SEMA4D: variants seen among roughly 807,000 people sequenced by gnomAD.
SEMA4D encodes semaphorin-4D.
A neutral mutation model predicts 74.8 loss-of-function variants in SEMA4D; 22 were observed. The ratio of observed to expected loss-of-function variants is 0.29; its 90% confidence interval spans 0.21 to 0.42. The LOEUF (loss-of-function observed/expected upper bound fraction) is 0.42. Among genes scored for constraint, SEMA4D ranks in the 10% least tolerant of loss-of-function variants. The pLI is 1.00. For missense variants in SEMA4D, 937 were observed against 1,118.4 expected (o/e 0.84, Z 2.31); for synonymous variants, 445 against 463.7 (o/e 0.96, Z 0.52).
At chr9:89,436,856 C>T (rs539216800) in intron 2 of SEMA4D, among the ~76,000 whole-genome samples, 106 of 152,340 alleles carry the variant, frequency 7.0e-4, no homozygotes, top group Middle Eastern at 3.4e-3. Context: ...CTGGCCACTA[C>T]TTCAGTCATC....
chr9:89,481,366 G>C (rs1040943484), intron 1 of SEMA4D, among the ~76,000 whole-genome samples: 1 of 152,204 alleles, frequency 6.6e-6, no homozygotes, highest in Non-Finnish European at 1.5e-5. Flanking sequence ...AGCAGGACTG[G>C]AAACAGGGTG....
chr9:89,362,117 G>A (rs774792641), exon 19 of SEMA4D: 2 of 573,008 alleles, frequency 3.5e-6, no homozygotes, highest in African/African-American at 1.9e-5. Context: ...ATCAAAGCCT[G>A]TTAGCCATCC....
downstream of SEMA4D, among the ~76,000 whole-genome samples, chr9:89,375,160 G>A (rs771620751): frequency 1.8e-4 from 28 of 152,170 alleles, 2 homozygotes; most frequent in South Asian, 2.1e-4. Flanking sequence ...AGACCCGCCC[G>A]CTTCCCAGCC....
intron 2 of SEMA4D, among the ~76,000 whole-genome samples, chr9:89,422,232 T>C (rs2134253112): frequency 6.6e-6 from 1 of 152,314 alleles, no homozygotes; most frequent in South Asian, 2.1e-4. Flanking sequence ...ACAGTTCTGG[T>C]CTTTCTGGCA....
At chr9:89,454,699 T>C (rs767318078) in intron 2 of SEMA4D, among the ~76,000 whole-genome samples, 1 of 151,992 alleles carries the variant, frequency 6.6e-6, no homozygotes, top group Non-Finnish European at 1.5e-5. Flanking sequence ...GACGGCAGGG[T>C]GTGAGGGCAG....
At chr9:89,363,985 C>T (rs778167390) in intron 16 of SEMA4D, 1 of 1,613,908 alleles carries the variant, frequency 6.2e-7, no homozygotes, top group African/African-American at 1.3e-5. Flanking sequence ...TCTGAGTCCA[C>T]ATTTAGGACC....
chr9:89,364,937 T>G, intron 16 of SEMA4D: 1 of 101,022 alleles, frequency 9.9e-6, no homozygotes, highest in South Asian at 3.3e-4. Context: ...AACCAGAATG[T>G]TGGGGGTTTT....
At chr9:89,493,550 C>T (rs890300416) in intron 1 of SEMA4D, among the ~76,000 whole-genome samples, 8 of 152,200 alleles carry the variant, frequency 5.3e-5, no homozygotes, top group Non-Finnish European at 2.9e-5. Flanking sequence ...TTCTGTCCTT[C>T]CAAACAAAGT....
chr9:89,370,197 G>A (rs966883301), intron 16 of SEMA4D, among the ~76,000 whole-genome samples: 1 of 151,928 alleles, frequency 6.6e-6, no homozygotes, highest in African/African-American at 2.4e-5. Flanking sequence ...TGTGTGTGGT[G>A]TGTGTGATTT....
intron 1 of SEMA4D, among the ~76,000 whole-genome samples, chr9:89,480,891 TC>T (rs546852823): frequency 1.1e-3 from 174 of 152,318 alleles, no homozygotes; most frequent in South Asian, 5.6e-3. Flanking sequence ...ACTGAAGTGC[TC>T]CTCAAATGCC....
intron 2 of SEMA4D, among the ~76,000 whole-genome samples, chr9:89,441,815 TA>T (rs1158219167): frequency 3.3e-5 from 5 of 152,250 alleles, no homozygotes; most frequent in South Asian, 4.1e-4. Context: ...CCCACACTGT[TA>T]AACTTCAGCT....
Position 89,450,674 on chromosome 9 carries a change from A to G in SEMA4D, c.-244+5214T>C, listed in dbSNP as rs1854239524. On this transcript the variant is annotated intron_variant, in intron 2 of 15. Transcript: ENST00000422704. ...GAAAAACCCAGGAAAAAAAAAAAAA[A>G]AAAAAAAAAAAAAGGCCTCCAAGAC... 26 of 915,916 alleles carry G rather than the reference A, an allele frequency of 2.8e-5. 1 individual carries two copies. Among genetic ancestry groups the G allele is most frequent in the Middle Eastern group, 3.4e-4 (1 of 2,976 alleles). 56.7% of individuals were successfully genotyped at this position (915,916 alleles called of 1,614,324 possible). A position where few individuals can be genotyped will look rare whatever the true frequency, so the allele number is the denominator to read the frequency against.
Position 89,362,197 on chromosome 9 carries a change from C to T in SEMA4D, c.*205G>A, listed in dbSNP as rs1464433762. On this transcript the variant is annotated 3_prime_UTR_variant, in exon 19 of 19. Transcript: ENST00000339861. The stretch of plus-strand genomic sequence containing the variant: ...CACCTAATTTTTTAAGTCTTAGTTC[C>T]TGTCACAGGCCCACTTGGGTTCCAG... 5.3e-6 allele frequency: 4 copies of T among 754,426 alleles called. No individual in the cohort carries two copies. The African/African-American group carries it at 7.0e-5, about 13-fold the overall frequency. 46.7% of individuals were successfully genotyped at this position (754,426 alleles called of 1,614,324 possible).
chr9:89,389,758 T>C (rs1056854785), intron 9 of SEMA4D, among the ~76,000 whole-genome samples: 20 of 152,224 alleles, frequency 1.3e-4, no homozygotes, highest in Admixed American at 8.5e-4. Flanking sequence ...AGGGAAAATG[T>C]TCCCCCTTCA....
intron 2 of SEMA4D, among the ~76,000 whole-genome samples, chr9:89,429,233 C>T (rs755794383): frequency 7.9e-5 from 12 of 152,312 alleles, no homozygotes; most frequent in South Asian, 2.1e-4. Flanking sequence ...TGTACCAGGC[C>T]GGCGGCCACC....
chr9:89,421,402 G>A (rs1846919272), intron 2 of SEMA4D, among the ~76,000 whole-genome samples: 1 of 152,204 alleles, frequency 6.6e-6, no homozygotes, highest in African/African-American at 2.4e-5. Flanking sequence ...ACACAGACAG[G>A]GCCCGGAGGA....
At chr9:89,389,150 G>A (rs1839242844) in intron 9 of SEMA4D, 103 bp from the exon 10 acceptor site, 3 of 1,230,508 alleles carry the variant, frequency 2.4e-6, no homozygotes, top group Non-Finnish European at 2.3e-6. Context: ...CAGCGCGGCT[G>A]TGCCTGACTG....
intron 2 of SEMA4D, among the ~76,000 whole-genome samples, chr9:89,408,196 T>G (rs559964645): frequency 9.2e-5 from 14 of 152,342 alleles, no homozygotes; most frequent in African/African-American, 3.4e-4. Context: ...CATCTGATAA[T>G]AATAATGTTT....
At chr9:89,450,796 C>G in intron 2 of SEMA4D, 1 of 817,212 alleles carries the variant, frequency 1.2e-6, no homozygotes, top group South Asian at 1.7e-5. Flanking sequence ...TGCCTCATCC[C>G]CTTCCCACCA....
Sources: gnomAD v4.1 joint callset for allele counts (sites outside exome capture counted in the v4.1 genomes callset) on GRCh38, gnomAD v4.1.1 for gene constraint, MANE v1.5 for transcripts, NCBI Gene and HGNC (gene_info 2026-07-23, HGNC 2026-07-21) for gene names.